GREB1L: variants seen among roughly 807,000 people sequenced by gnomAD.
GREB1L encodes the protein GREB1-like protein.
Under a neutral mutation model 200.8 loss-of-function variants are expected in GREB1L, and 17 were observed. The observed-to-expected ratio is 0.08, with a 90% CI of 0.06 to 0.13. The LOEUF (loss-of-function observed/expected upper bound fraction) is 0.13, where lower values mean the gene tolerates loss of function less well. Among genes scored for constraint, GREB1L ranks in the 10% least tolerant of loss-of-function variants. The pLI is 1.00. For missense variants in GREB1L, 1,657 were observed against 2,367.7 expected, an observed-to-expected ratio of 0.70 and a Z score of 6.23; for synonymous variants, 789 against 893.0, an observed-to-expected ratio of 0.88 and a Z score of 2.08.
intron 5 of GREB1L, among the ~76,000 whole-genome samples, chr18:21,396,278 C>T (rs1038445242): frequency 1.3e-5 from 2 of 152,144 alleles, no homozygotes; most frequent in Non-Finnish European, 2.9e-5. Context: ...CTCCTGACCT[C>T]AGATGATCTG....
rs139033418 is a variant in GREB1L at position 21,294,025 on chromosome 18, G to T, written c.-120+51632G>T. Among the ~76,000 whole-genome samples, 164 of 152,106 alleles carry T rather than the reference G, an allele frequency of 1.1e-3. No homozygotes were observed. In the Middle Eastern group the frequency reaches 0.014, roughly 13 times the overall value. ...TTGAACTCCTGGCCTCAAGTGATCT[G>T]CCCACCTCAGCCTTCCAAAGTGCTG... On this transcript the variant is annotated intron_variant, in intron 1 of 32. Transcript: ENST00000424526.
At chr18:21,466,042 A>G (rs1179626811) in intron 15 of GREB1L, among the ~76,000 whole-genome samples, 1 of 152,182 alleles carries the variant, frequency 6.6e-6, no homozygotes, top group African/African-American at 2.4e-5. Flanking sequence ...GTGGAACTAC[A>G]TTCTACGTAT....
intron 4 of GREB1L, among the ~76,000 whole-genome samples, chr18:21,385,190 G>A (rs533052060): frequency 9.9e-5 from 15 of 152,210 alleles, no homozygotes; most frequent in African/African-American, 3.6e-4. Flanking sequence ...AGAATGACTT[G>A]GACCTAGGAT....
intron 1 of GREB1L, among the ~76,000 whole-genome samples, chr18:21,340,829 C>G (rs2039259387): frequency 6.6e-6 from 1 of 152,142 alleles, no homozygotes; most frequent in South Asian, 2.1e-4. Flanking sequence ...AGGCGTTGAG[C>G]CACCGCACCC....
intron 7 of GREB1L, among the ~76,000 whole-genome samples, chr18:21,426,975 A>AC: frequency 1.3e-5 from 1 of 77,158 alleles, no homozygotes; most frequent in Non-Finnish European, 2.1e-5. Context: ...AAAAAAAACA[A>AC]AAAAAAAAAA....
chr18:21,320,796 C>T (rs2038939670), intron 1 of GREB1L, among the ~76,000 whole-genome samples: 1 of 149,542 alleles, frequency 6.7e-6, no homozygotes, highest in South Asian at 2.1e-4. Context: ...ATTTTAGCAA[C>T]AAAGGCCTTC....
chr18:21,417,755 C>G (rs1195647639), intron 7 of GREB1L, among the ~76,000 whole-genome samples: 1 of 151,724 alleles, frequency 6.6e-6, no homozygotes, highest in Admixed American at 6.6e-5. Context: ...ACTTTGGGGC[C>G]GAGGCGGGTG....
Position 21,403,954 on chromosome 18 carries a change from T to C in GREB1L, c.792T>C (p.Asn264=), listed in dbSNP as rs2041422214. 2 of 1,551,346 alleles carry C rather than the reference T, an allele frequency of 1.3e-6. No homozygotes were observed. The highest frequency in any genetic ancestry group is 1.7e-6 in the Non-Finnish European group (2 of 1,146,436). Residue 264 remains asparagine, a synonymous_variant, in exon 7 of 33, where the codon AAT becomes AAC. Transcript: ENST00000424526. ...TGTCGTCAACTGTGACCCCAGAAAA[T>C]GGGACAACTAATGGATACAAATCAG... ...SSVSSTVTPE[N]GTTNGYKSGF...
intron 7 of GREB1L, among the ~76,000 whole-genome samples, chr18:21,422,771 T>C (rs2032256330): frequency 6.6e-6 from 1 of 152,248 alleles, no homozygotes; most frequent in Non-Finnish European, 1.5e-5. Flanking sequence ...TATATATAAA[T>C]GTCCAGGATT....
intron 4 of GREB1L, among the ~76,000 whole-genome samples, chr18:21,387,926 C>T (rs1294042846): frequency 1.1e-4 from 16 of 152,120 alleles, no homozygotes; most frequent in Admixed American, 1.0e-3. Context: ...TTTTTACTCT[C>T]GTAGGGATCC....
intron 4 of GREB1L, among the ~76,000 whole-genome samples, chr18:21,386,593 C>CTTTTTTTTT (rs35010034): frequency 1.7e-5 from 2 of 115,178 alleles, no homozygotes; most frequent in East Asian, 2.7e-4. Context: ...TGGCCAGTAG[C>CTTTTTTTTT]TTTTTTTTTT....
At chr18:21,252,384 C>A (rs1024974502) in intron 1 of GREB1L, among the ~76,000 whole-genome samples, 1 of 151,200 alleles carries the variant, frequency 6.6e-6, no homozygotes, top group African/African-American at 2.4e-5. Context: ...ATGGAGAAAC[C>A]CCGTCTCCAC....
At chr18:21,314,709 A>G (rs1190896586) in intron 1 of GREB1L, among the ~76,000 whole-genome samples, 1 of 152,240 alleles carries the variant, frequency 6.6e-6, no homozygotes, top group Non-Finnish European at 1.5e-5. Context: ...CCAATCATCT[A>G]TGGTCCGTGT....
chr18:21,427,762 T>C (rs1348139476), intron 7 of GREB1L, among the ~76,000 whole-genome samples: 1 of 152,208 alleles, frequency 6.6e-6, no homozygotes, highest in Non-Finnish European at 1.5e-5. Flanking sequence ...TTCCTTAGGA[T>C]TTCCTATATT....
At chr18:21,517,662 T>C (rs1209487544) in intron 30 of GREB1L, among the ~76,000 whole-genome samples, 1 of 152,194 alleles carries the variant, frequency 6.6e-6, no homozygotes, top group Non-Finnish European at 1.5e-5. Context: ...GGGCTACCAG[T>C]GGAGCTTAGA....
At chr18:21,366,351 C>A (rs1044033693) in intron 2 of GREB1L, among the ~76,000 whole-genome samples, 8 of 151,966 alleles carry the variant, frequency 5.3e-5, no homozygotes, top group African/African-American at 1.9e-4. Flanking sequence ...CTACAACAAC[C>A]CCTGTATTTC....
chr18:21,341,744 T>A (rs557125173), intron 1 of GREB1L, among the ~76,000 whole-genome samples: 1 of 152,114 alleles, frequency 6.6e-6, no homozygotes, highest in East Asian at 1.9e-4. Context: ...CTGACTGAAT[T>A]TTTCTAGTGT....
At chr18:21,459,664 A>AT (rs2034948202) in intron 15 of GREB1L, among the ~76,000 whole-genome samples, 1 of 152,042 alleles carries the variant, frequency 6.6e-6, no homozygotes, top group African/African-American at 2.4e-5. Flanking sequence ...AACAAAAAAA[A>AT]ATTTTAATAA....
chr18:21,290,207 G>T (rs1430774621), intron 1 of GREB1L, among the ~76,000 whole-genome samples: 1 of 152,098 alleles, frequency 6.6e-6, no homozygotes, highest in Non-Finnish European at 1.5e-5. Flanking sequence ...CATTTTAATC[G>T]CCCTCTAGAT....
Sources: allele counts gnomAD v4.1 joint callset (sites outside exome capture counted in the v4.1 genomes callset), GRCh38; gene constraint gnomAD v4.1.1; transcripts MANE v1.5; gene names NCBI Gene and HGNC (gene_info 2026-07-23, HGNC 2026-07-21).